The following NALF1 variants were observed in gnomAD, a reference collection of about 807,000 sequenced individuals.
The protein encoded by NALF1 is NALCN channel auxiliary factor 1.
Under a neutral mutation model 48.4 loss-of-function variants are expected in NALF1, and 3 were observed. The ratio of observed to expected loss-of-function variants is 0.06; its 90% CI spans 0.03 to 0.16. The LOEUF is 0.16. NALF1 is among the 10% of genes least tolerant of loss of function. The pLI is 1.00. For synonymous variants in NALF1, 262 were observed against 245.7 expected (o/e 1.07, Z -0.62); for missense variants, 526 against 571.5 (o/e 0.92, Z 0.81).
chr13:107,435,447 C>T (rs1430657808), intron 1 of NALF1, among the ~76,000 whole-genome samples: 2 of 152,124 alleles, frequency 1.3e-5, no homozygotes, highest in Non-Finnish European at 2.9e-5. Context: ...TGTTTCATTT[C>T]TCTCAGCGGT....
chr13:107,865,307 C>T (rs1486903447), intron 1 of NALF1, among the ~76,000 whole-genome samples: 1 of 152,204 alleles, frequency 6.6e-6, no homozygotes, highest in African/African-American at 2.4e-5. Context: ...TCTGACTTTA[C>T]CTGTGAGCAT....
intron 1 of NALF1, among the ~76,000 whole-genome samples, chr13:107,783,024 A>G (rs1188417534): frequency 7.7e-6 from 1 of 129,232 alleles, no homozygotes; most frequent in Non-Finnish European, 1.6e-5. Flanking sequence ...GTGGGGGGTC[A>G]GCCCCCCGCC....
intron 1 of NALF1, among the ~76,000 whole-genome samples, chr13:107,733,442 G>T (rs531531902): frequency 4.7e-4 from 71 of 152,122 alleles, no homozygotes; most frequent in African/African-American, 1.6e-3. Flanking sequence ...TTCTTCTTTT[G>T]GAATTTCTAT....
chr13:107,409,461 C>CT (rs1273823897), intron 1 of NALF1, among the ~76,000 whole-genome samples: 2 of 152,054 alleles, frequency 1.3e-5, no homozygotes, highest in Admixed American at 1.3e-4. Flanking sequence ...TCTTGGAGGA[C>CT]TGGTGATGCT....
intron 1 of NALF1, among the ~76,000 whole-genome samples, chr13:107,629,021 G>A (rs987089291): frequency 2.0e-5 from 3 of 152,132 alleles, no homozygotes; most frequent in Non-Finnish European, 4.4e-5. Context: ...CTTAGAAGAA[G>A]TTGTATTTCC....
At chr13:107,349,527 G>A (rs1335638563) in intron 1 of NALF1, among the ~76,000 whole-genome samples, 1 of 152,020 alleles carries the variant, frequency 6.6e-6, no homozygotes, top group Non-Finnish European at 1.5e-5. Context: ...TGGATCACGA[G>A]GTCAGGAGAT....
chr13:107,649,903 C>T lies in NALF1; in HGVS notation c.915+215779G>A, dbSNP rs542067943. 3.9e-5 allele frequency among the ~76,000 whole-genome samples: 6 copies of T among 152,300 alleles called. No individual in the cohort carries two copies. In the South Asian group the frequency reaches 8.3e-4, roughly 21 times the overall value. ...AATACAGGTTAGGCCCTGGCCCCTACCCGTCAGCTTGCCATCCAAAATGAT... is the reference window on the plus strand; with the variant it reads ...AATACAGGTTAGGCCCTGGCCCCTATCCGTCAGCTTGCCATCCAAAATGAT... On this transcript the variant is annotated intron_variant, in intron 1 of 2. Coordinates refer to ENST00000375915, the MANE Select transcript of NALF1 (RefSeq NM_001080396.3).
intron 1 of NALF1, among the ~76,000 whole-genome samples, chr13:107,707,374 G>A (rs144749431): frequency 3.9e-4 from 59 of 152,270 alleles, no homozygotes; most frequent in African/African-American, 1.3e-3. Context: ...ATGTGCAATA[G>A]GACTTTTAAA....
chr13:107,700,503 G>C (rs3908999), intron 1 of NALF1, among the ~76,000 whole-genome samples: 1 of 151,684 alleles, frequency 6.6e-6, no homozygotes, highest in Admixed American at 6.6e-5. Flanking sequence ...ATGAATAAAG[G>C]CTCTAAATGT....
At chr13:107,457,229 G>C (rs561778530) in intron 1 of NALF1, among the ~76,000 whole-genome samples, 1 of 152,258 alleles carries the variant, frequency 6.6e-6, no homozygotes, top group African/African-American at 2.4e-5. Flanking sequence ...AATGGTAATA[G>C]CATTGTCAGG....
At chr13:107,526,857 C>G (rs1876462801) in intron 1 of NALF1, among the ~76,000 whole-genome samples, 1 of 152,050 alleles carries the variant, frequency 6.6e-6, no homozygotes, top group Admixed American at 6.6e-5. Flanking sequence ...AGAAATGAGT[C>G]CAGAAAAACA....
chr13:107,375,086 C>G (rs1594143230), intron 1 of NALF1, among the ~76,000 whole-genome samples: 1 of 152,174 alleles, frequency 6.6e-6, no homozygotes, highest in East Asian at 1.9e-4. Flanking sequence ...AGAAGTATTA[C>G]ATAAATTCAG....
chr13:107,574,589 A>G (rs890837640), intron 1 of NALF1, among the ~76,000 whole-genome samples: 1 of 152,214 alleles, frequency 6.6e-6, no homozygotes, highest in Non-Finnish European at 1.5e-5. Context: ...TCTGCATTAA[A>G]AGCACTTACT....
intron 1 of NALF1, among the ~76,000 whole-genome samples, chr13:107,440,868 G>T (rs1884547004): frequency 6.6e-6 from 1 of 152,018 alleles, no homozygotes; most frequent in South Asian, 2.1e-4. Context: ...CTAAGTTTAT[G>T]GCAAGCTTTT....
intron 1 of NALF1, among the ~76,000 whole-genome samples, chr13:107,408,717 G>A (rs1394760977): frequency 6.6e-6 from 1 of 152,056 alleles, no homozygotes; most frequent in African/African-American, 2.4e-5. Context: ...ATCCTTCTAT[G>A]TGCATTCACA....
chr13:107,582,489 T>A (rs749357721), intron 1 of NALF1, among the ~76,000 whole-genome samples: 1 of 152,102 alleles, frequency 6.6e-6, no homozygotes, highest in Non-Finnish European at 1.5e-5. Context: ...TTGCAAACTA[T>A]CCAGGAGCAA....
intron 1 of NALF1, among the ~76,000 whole-genome samples, chr13:107,490,992 G>GA (rs1361458315): frequency 6.6e-6 from 1 of 152,044 alleles, no homozygotes; most frequent in Non-Finnish European, 1.5e-5. Context: ...ACATTCAACT[G>GA]AAAAAAGCCA....
intron 1 of NALF1, among the ~76,000 whole-genome samples, chr13:107,450,618 A>G (rs753353552): frequency 6.6e-6 from 1 of 152,202 alleles, no homozygotes; most frequent in East Asian, 1.9e-4. Context: ...GGGAGAGGGG[A>G]ATCAAGGGCG....
chr13:107,447,038 G>A (rs1318381094), intron 1 of NALF1, among the ~76,000 whole-genome samples: 1 of 152,174 alleles, frequency 6.6e-6, no homozygotes, highest in East Asian at 1.9e-4. Flanking sequence ...AACAAATGAA[G>A]TACCGTATTG....
Sources: allele counts gnomAD v4.1 joint callset (sites outside exome capture counted in the v4.1 genomes callset), GRCh38; gene constraint gnomAD v4.1.1; transcripts MANE v1.5; gene names NCBI Gene and HGNC (gene_info 2026-07-23, HGNC 2026-07-21).